Variants in ADCK1 observed in about 807,000 individuals in gnomAD.
ADCK1 encodes aarF domain-containing protein kinase 1.
In ADCK1, 41 loss-of-function variants were observed where a neutral mutation model predicts 52.3. That is an observed-to-expected ratio of 0.78 (90% CI 0.61 to 1.02). The LOEUF is 1.02. ADCK1 is among the 50% of genes least tolerant of loss of function. The pLI is 0.00. For synonymous variants in ADCK1, 250 were observed against 274.6 expected, an observed-to-expected ratio of 0.91 and a Z score of 0.89; for missense variants, 658 against 679.5, an observed-to-expected ratio of 0.97 and a Z score of 0.35.
At chr14:77,830,618 C>G (rs1425743834) in intron 3 of ADCK1, among the ~76,000 whole-genome samples, 2 of 147,672 alleles carry the variant, frequency 1.4e-5, no homozygotes, top group East Asian at 4.0e-4. Context: ...TTTTTTAACA[C>G]CAGTGCCACT....
chr14:77,846,538 C>T (rs1270181493), intron 3 of ADCK1, among the ~76,000 whole-genome samples: 1 of 152,174 alleles, frequency 6.6e-6, no homozygotes, highest in African/African-American at 2.4e-5. Context: ...TTGTGATGGG[C>T]AGGTGGCTCT....
In ADCK1 at chr14:77,819,014, C is replaced by T. The variant is rs2081523551; in HGVS notation, c.36C>T (p.Thr12=). The change falls in exon 2 of 11, where the codon ACC becomes ACT. Residue 12 remains threonine, a synonymous_variant. Transcript: ENST00000238561. ...AGGCTCTCAAGCTTGCTTCGTGGACCAGCATGGCTCTTGCTGCCTCTGGCA... is the reference window on the plus strand; with the variant it reads ...AGGCTCTCAAGCTTGCTTCGTGGACTAGCATGGCTCTTGCTGCCTCTGGCA... The part of the protein sequence containing the change: ...ARKALKLASW[T]SMALAASGIY... 1 of 1,614,060 alleles carries T rather than the reference C, an allele frequency of 6.2e-7. No homozygotes were observed. Among genetic ancestry groups the T allele is most frequent in the African/African-American group, 1.3e-5 (1 of 74,924 alleles).
At chr14:77,839,191 T>C (rs548472673) in intron 3 of ADCK1, among the ~76,000 whole-genome samples, 6 of 152,324 alleles carry the variant, frequency 3.9e-5, no homozygotes, top group African/African-American at 1.4e-4. Flanking sequence ...ATGATGTTTT[T>C]CAGCTGAAAC....
At chr14:77,897,507 A>G (rs545662723) in intron 5 of ADCK1, among the ~76,000 whole-genome samples, 5 of 152,216 alleles carry the variant, frequency 3.3e-5, no homozygotes, top group Admixed American at 2.0e-4. Flanking sequence ...TTAATTTCAC[A>G]TCATTAAACT....
intron 4 of ADCK1, among the ~76,000 whole-genome samples, chr14:77,875,373 C>T (rs906678348): frequency 6.6e-6 from 1 of 152,088 alleles, no homozygotes; most frequent in Non-Finnish European, 1.5e-5. Flanking sequence ...GTTGCCTCCT[C>T]TTTCCTCAGG....
At chr14:77,840,253 G>A (rs1281542542) in intron 3 of ADCK1, among the ~76,000 whole-genome samples, 1 of 152,048 alleles carries the variant, frequency 6.6e-6, no homozygotes, top group Non-Finnish European at 1.5e-5. Context: ...GAGGTCAGAA[G>A]TCTGGAACGG....
chr14:77,817,777 C>T (rs1415511967), intron 1 of ADCK1, among the ~76,000 whole-genome samples: 2 of 151,912 alleles, frequency 1.3e-5, no homozygotes, highest in Non-Finnish European at 2.9e-5. Context: ...GCTCTGTCAC[C>T]CAGGCTGGAG....
chr14:77,921,612 C>G (rs1480266905), intron 7 of ADCK1, among the ~76,000 whole-genome samples: 1 of 152,104 alleles, frequency 6.6e-6, no homozygotes, highest in African/African-American at 2.4e-5. Context: ...CTGTCTCTGT[C>G]TATGCTGGTG....
chr14:77,848,486 G>C (rs377211469), intron 3 of ADCK1, among the ~76,000 whole-genome samples: 1 of 152,170 alleles, frequency 6.6e-6, no homozygotes, highest in African/African-American at 2.4e-5. Flanking sequence ...ATTTACTTAA[G>C]ATGGAGTTTT....
At chr14:77,931,800 C>A in intron 10 of ADCK1, 89 bp downstream of exon 10, 1 of 1,362,652 alleles carries the variant, frequency 7.3e-7, no homozygotes. Context: ...CCCCACCAGT[C>A]TACAGGGCCC....
At chr14:77,828,964 T>C (rs939066819) in intron 3 of ADCK1, among the ~76,000 whole-genome samples, 4 of 151,460 alleles carry the variant, frequency 2.6e-5, no homozygotes, top group African/African-American at 9.7e-5. Context: ...GGTTCCACCT[T>C]TGGCCACTGG....
chr14:77,810,984 C>A lies in ADCK1; in HGVS notation c.-11-7984C>A, dbSNP rs139796514. Among the ~76,000 whole-genome samples, 455 of 150,228 alleles carry A rather than the reference C, an allele frequency of 3.0e-3. 3 individuals carry two copies. The highest frequency in any genetic ancestry group is 0.011 in the African/African-American group (434 of 40,880). On this transcript the variant is annotated intron_variant, in intron 1 of 10. Coordinates refer to ENST00000238561, the MANE Select transcript of ADCK1 (RefSeq NM_020421.4). ...TAAGTCACTCAGTCTAATTTAAGGT[C>A]GGTTTCTGGATCTGATTAGGGACCT...
intron 4 of ADCK1, among the ~76,000 whole-genome samples, chr14:77,882,678 G>C (rs1023637571): frequency 6.6e-6 from 1 of 152,194 alleles, no homozygotes; most frequent in Non-Finnish European, 1.5e-5. Flanking sequence ...AGGAGGCGTC[G>C]TGTGGTTTCT....
chr14:77,801,761 G>A (rs2081115484), intron 1 of ADCK1, among the ~76,000 whole-genome samples: 1 of 152,124 alleles, frequency 6.6e-6, no homozygotes, highest in African/African-American at 2.4e-5. Context: ...CCAACATGGT[G>A]AAACCCCATC....
chr14:77,906,598 G>A (rs928902081), intron 6 of ADCK1, among the ~76,000 whole-genome samples: 22 of 152,216 alleles, frequency 1.4e-4, no homozygotes, highest in Non-Finnish European at 3.1e-4. Flanking sequence ...TAGCAAGAAG[G>A]TTTGCAGTGG....
chr14:77,810,345 A>C (rs749535943), intron 1 of ADCK1, among the ~76,000 whole-genome samples: 1 of 151,922 alleles, frequency 6.6e-6, no homozygotes, highest in African/African-American at 2.4e-5. Context: ...GAACTCCTGG[A>C]CTCAAGCAAC....
chr14:77,849,956 AG>A (rs2082248754), intron 3 of ADCK1, among the ~76,000 whole-genome samples: 1 of 152,118 alleles, frequency 6.6e-6, no homozygotes, highest in South Asian at 2.1e-4. Flanking sequence ...CTGAGGCAGA[AG>A]GATCATTTGA....
At chr14:77,910,387 G>T (rs1235939608) in intron 7 of ADCK1, among the ~76,000 whole-genome samples, 1 of 152,054 alleles carries the variant, frequency 6.6e-6, no homozygotes, top group Non-Finnish European at 1.5e-5. Context: ...TGCCTTCACT[G>T]GTGGCTTCTA....
At chr14:77,912,110 CA>C (rs1262501267) in intron 7 of ADCK1, among the ~76,000 whole-genome samples, 2 of 152,190 alleles carry the variant, frequency 1.3e-5, no homozygotes, top group Non-Finnish European at 2.9e-5. Context: ...TCTTTGTCAT[CA>C]ATGTGGGGCT....
Sources: allele counts gnomAD v4.1 joint callset (sites outside exome capture counted in the v4.1 genomes callset), GRCh38; gene constraint gnomAD v4.1.1; transcripts MANE v1.5; gene names NCBI Gene and HGNC (gene_info 2026-07-23, HGNC 2026-07-21).